PALM2AKAP2: variants seen among roughly 807,000 people sequenced by gnomAD.
PALM2AKAP2 encodes PALM2-AKAP2 fusion protein.
A neutral mutation model predicts 71.5 loss-of-function variants in PALM2AKAP2; 37 were observed. The observed-to-expected ratio is 0.52, with a 90% CI of 0.40 to 0.68. The LOEUF (loss-of-function observed/expected upper bound fraction) is 0.68. Ranked by LOEUF, PALM2AKAP2 falls within the 30% of genes least tolerant of loss-of-function variation. The probability of loss-of-function intolerance (pLI) is 0.00; values close to 1 mark genes in which losing one functional copy is unlikely to be tolerated. For missense variants in PALM2AKAP2, 1,224 were observed against 1,191.8 expected (o/e 1.03, Z -0.40); for synonymous variants, 468 against 478.8 (o/e 0.98, Z 0.29).
At chr9:110,066,008 T>A (rs1834071809) in intron 1 of PALM2AKAP2, among the ~76,000 whole-genome samples, 1 of 152,234 alleles carries the variant, frequency 6.6e-6, no homozygotes, top group Admixed American at 6.5e-5. Flanking sequence ...TTTGAGAGGT[T>A]AATCCATCTA....
exon 4 of PALM2AKAP2, chr9:110,168,612 CCT>C: frequency 1.6e-6 from 2 of 1,233,718 alleles, no homozygotes. Flanking sequence ...ACTCAGCAAT[CCT>C]TATGTAGACC....
chr9:109,868,047 A>G (rs1223121887), intron 2 of PALM2AKAP2, among the ~76,000 whole-genome samples: 2 of 152,202 alleles, frequency 1.3e-5, no homozygotes, highest in African/African-American at 4.8e-5. Context: ...TAAAAGAACA[A>G]CACTGTGTAT....
intron 1 of PALM2AKAP2, among the ~76,000 whole-genome samples, chr9:109,726,993 C>T (rs939944085): frequency 6.6e-6 from 1 of 152,146 alleles, no homozygotes; most frequent in Non-Finnish European, 1.5e-5. Flanking sequence ...TTTCACCAGC[C>T]CACCTCACTG....
At chr9:109,917,695 C>T (rs1292393257) in intron 3 of PALM2AKAP2, among the ~76,000 whole-genome samples, 6 of 152,032 alleles carry the variant, frequency 3.9e-5, no homozygotes, top group East Asian at 3.9e-4. Context: ...TGTCTTGCCA[C>T]GTTGCTCAGG....
intron 1 of PALM2AKAP2, among the ~76,000 whole-genome samples, chr9:110,118,681 T>C (rs1049190992): frequency 1.3e-5 from 2 of 152,206 alleles, no homozygotes; most frequent in Non-Finnish European, 2.9e-5. Context: ...TTTCAGAAGT[T>C]AATATATGCA....
At chr9:109,949,303 G>A (rs1327877994) in intron 6 of PALM2AKAP2, among the ~76,000 whole-genome samples, 9 of 152,182 alleles carry the variant, frequency 5.9e-5, no homozygotes, top group African/African-American at 2.2e-4. Context: ...GGATCTGGGA[G>A]CATATTTTTA....
At chr9:110,063,389 G>T (rs1331162632) in intron 1 of PALM2AKAP2, among the ~76,000 whole-genome samples, 1 of 151,870 alleles carries the variant, frequency 6.6e-6, no homozygotes, top group African/African-American at 2.4e-5. Flanking sequence ...TCTTCTCCCA[G>T]TGTCTTCACA....
intron 3 of PALM2AKAP2, among the ~76,000 whole-genome samples, chr9:109,882,757 C>A (rs752983948): frequency 4.6e-5 from 7 of 152,054 alleles, no homozygotes; most frequent in African/African-American, 1.7e-4. Flanking sequence ...ATCCTCCGAC[C>A]TCAGCCTCTC....
intron 1 of PALM2AKAP2, among the ~76,000 whole-genome samples, chr9:110,086,294 A>G (rs1460474220): frequency 6.6e-6 from 1 of 152,202 alleles, no homozygotes; most frequent in Non-Finnish European, 1.5e-5. Context: ...AAAAAAGAAA[A>G]GCCATCTATA....
Position 110,036,565 on chromosome 9 carries a change from T to G in PALM2AKAP2, c.582+20526T>G, listed in dbSNP as rs1192469669. Among the ~76,000 whole-genome samples, 3 of 152,172 alleles carry G rather than the reference T, an allele frequency of 2.0e-5. No individual in the cohort carries two copies. The East Asian group carries it at 5.8e-4, about 29-fold the overall frequency. ...GCTCTCCCGGCCACTCCTTTCCCTTTCTGTAACACAGACTCCACCCAGAAA... is the reference window on the plus strand; with the variant it reads ...GCTCTCCCGGCCACTCCTTTCCCTTGCTGTAACACAGACTCCACCCAGAAA... On this transcript the variant is annotated intron_variant, in intron 7 of 9. Coordinates refer to the PALM2AKAP2 transcript ENST00000302798.
chr9:109,961,162 G>A lies in PALM2AKAP2; in HGVS notation c.496+29134G>A, dbSNP rs528807623. ...CTGCTCAGGCAAAAGCAACCTATCC[G>A]TTCTTTGGAACATATAGCTAAAATT... On this transcript the variant is annotated intron_variant, in intron 6 of 9. Coordinates refer to the PALM2AKAP2 transcript ENST00000302798. 9.2e-5 allele frequency among the ~76,000 whole-genome samples: 14 copies of A among 152,330 alleles called. No individual in the cohort carries two copies. In the South Asian group the frequency reaches 1.2e-3, roughly 14 times the overall value.
At chr9:109,695,532 G>A (rs967541371) in intron 1 of PALM2AKAP2, among the ~76,000 whole-genome samples, 8 of 151,908 alleles carry the variant, frequency 5.3e-5, no homozygotes, top group South Asian at 2.1e-4. Flanking sequence ...TTTGATTTGC[G>A]TTTCCCTGAT....
At chr9:109,923,956 G>C (rs1314765923) in intron 4 of PALM2AKAP2, 107 bp downstream of exon 4, 12 of 1,171,880 alleles carry the variant, frequency 1.0e-5, no homozygotes, top group Non-Finnish European at 1.4e-5. Flanking sequence ...TGAGAAATCT[G>C]AGCCACGAAC....
intron 6 of PALM2AKAP2, among the ~76,000 whole-genome samples, chr9:109,998,477 A>T (rs1832615984): frequency 1.3e-5 from 2 of 152,196 alleles, no homozygotes; most frequent in Non-Finnish European, 2.9e-5. Context: ...CCAAAGTCCC[A>T]GCAAACAAAA....
chr9:110,034,895 G>T (rs923008585), intron 7 of PALM2AKAP2, among the ~76,000 whole-genome samples: 1 of 151,806 alleles, frequency 6.6e-6, no homozygotes, highest in Non-Finnish European at 1.5e-5. Flanking sequence ...GAGCCACCAC[G>T]CCCGGCTGCC....
chr9:109,908,684 C>T (rs983720364), intron 3 of PALM2AKAP2, among the ~76,000 whole-genome samples: 11 of 152,164 alleles, frequency 7.2e-5, no homozygotes, highest in East Asian at 1.9e-4. Context: ...CTAACTCATG[C>T]GTCTTGAAAA....
At chr9:110,139,937 A>G (rs1397722487) in intron 2 of PALM2AKAP2, among the ~76,000 whole-genome samples, 1 of 152,214 alleles carries the variant, frequency 6.6e-6, no homozygotes, top group Non-Finnish European at 1.5e-5. Context: ...CCAAACAGGT[A>G]GCACGTGGTA....
chr9:110,046,018 A>AC (rs1833590381), upstream of PALM2AKAP2, among the ~76,000 whole-genome samples: 1 of 152,066 alleles, frequency 6.6e-6, no homozygotes, highest in African/African-American at 2.4e-5. Context: ...GCCAGTAGCA[A>AC]CCCCCCTAAT....
At chr9:109,838,845 A>G (rs1190732489) in intron 1 of PALM2AKAP2, among the ~76,000 whole-genome samples, 1 of 152,220 alleles carries the variant, frequency 6.6e-6, no homozygotes, top group Non-Finnish European at 1.5e-5. Context: ...GAAGAAGTTG[A>G]ATCCCTGAAT....
Sources: gnomAD v4.1 joint callset for allele counts (sites outside exome capture counted in the v4.1 genomes callset) on GRCh38, gnomAD v4.1.1 for gene constraint, MANE v1.5 for transcripts, NCBI Gene and HGNC (gene_info 2026-07-23, HGNC 2026-07-21) for gene names.